B3GALT1: variants seen among roughly 807,000 people sequenced by gnomAD.
B3GALT1 encodes beta-1,3-galactosyltransferase 1.
A neutral mutation model predicts 23.2 loss-of-function variants in B3GALT1; 10 were observed. That is an observed-to-expected ratio of 0.43 (90% CI 0.27 to 0.73). B3GALT1 has a LOEUF of 0.73. B3GALT1 is among the 30% of genes least tolerant of loss of function. The probability of loss-of-function intolerance (pLI) is 0.21; values close to 1 mark genes in which losing one functional copy is unlikely to be tolerated. For synonymous variants in B3GALT1, 156 were observed against 141.5 expected (o/e 1.10, Z -0.73); for missense variants, 299 against 405.4 (o/e 0.74, Z 2.25).
At chr2:167,684,031 TCTA>T (rs1449107575) in intron 3 of B3GALT1, among the ~76,000 whole-genome samples, 3 of 152,200 alleles carry the variant, frequency 2.0e-5, no homozygotes, top group Non-Finnish European at 4.4e-5. Flanking sequence ...CTTTCTGTCT[TCTA>T]CTACCTAGGT....
Position 167,704,425 on chromosome 2 carries a change from A to C in B3GALT1, c.-352+57459A>C, listed in dbSNP as rs149283333. ...ACACCACTAACACTCCCTAGAGATCATCTAACCTTCCTAATCCTTCTAAGC... is the reference window on the plus strand; with the variant it reads ...ACACCACTAACACTCCCTAGAGATCCTCTAACCTTCCTAATCCTTCTAAGC... On this transcript the variant is annotated intron_variant, in intron 3 of 4. Transcript: ENST00000392690. Among the ~76,000 whole-genome samples, 22 of 152,294 alleles carry C rather than the reference A, an allele frequency of 1.4e-4. No individual in the cohort carries two copies. The East Asian group carries it at 3.9e-3, about 27-fold the overall frequency.
At chr2:167,715,821 G>A (rs1278985401) in intron 3 of B3GALT1, 4 of 1,613,824 alleles carry the variant, frequency 2.5e-6, no homozygotes, top group Non-Finnish European at 3.4e-6. Context: ...AGTCCAGAAA[G>A]CATTTCACCA....
At chr2:167,295,083 A>G (rs1696328137) in intron 1 of B3GALT1, among the ~76,000 whole-genome samples, 1 of 152,220 alleles carries the variant, frequency 6.6e-6, no homozygotes, top group African/African-American at 2.4e-5. Context: ...AGTTATTTTA[A>G]AGCAGATGAA....
chr2:167,387,058 A>G (rs1697940474), intron 1 of B3GALT1, among the ~76,000 whole-genome samples: 1 of 151,888 alleles, frequency 6.6e-6, no homozygotes, highest in Non-Finnish European at 1.5e-5. Flanking sequence ...ACTGCCTTGG[A>G]AACCAGTGTT....
intron 1 of B3GALT1, among the ~76,000 whole-genome samples, chr2:167,305,666 C>T (rs1259652937): frequency 6.6e-6 from 1 of 152,030 alleles, no homozygotes; most frequent in East Asian, 1.9e-4. Context: ...TGTCTAGAGG[C>T]CCCTACCCAG....
At chr2:167,471,403 T>C (rs1246834951) in intron 1 of B3GALT1, among the ~76,000 whole-genome samples, 1 of 152,190 alleles carries the variant, frequency 6.6e-6, no homozygotes, top group Non-Finnish European at 1.5e-5. Flanking sequence ...AAACCCCATC[T>C]TCTAAATTAC....
chr2:167,543,615 A>G (rs1683571161), intron 2 of B3GALT1, among the ~76,000 whole-genome samples: 1 of 152,248 alleles, frequency 6.6e-6, no homozygotes. Context: ...CTGGAAGGTT[A>G]TTTACATTAT....
intron 3 of B3GALT1, among the ~76,000 whole-genome samples, chr2:167,764,935 A>G (rs1319326583): frequency 6.6e-6 from 1 of 152,118 alleles, no homozygotes; most frequent in Admixed American, 6.6e-5. Flanking sequence ...ATAGGGTAGA[A>G]TGAGCTCTTT....
chr2:167,623,378 G>T lies in B3GALT1; in HGVS notation c.-409-23531G>T, dbSNP rs190769615. Among the ~76,000 whole-genome samples, 90 of 152,254 alleles carry T rather than the reference G, an allele frequency of 5.9e-4. 1 individual carries two copies. In the East Asian group the frequency reaches 0.015, roughly 25 times the overall value. Reference sequence around the variant, plus strand: ...CCAAATGCCCATTAGTGATAGACTGGATAAAGAAAATGTGGCACATATATA... The same window carrying T: ...CCAAATGCCCATTAGTGATAGACTGTATAAAGAAAATGTGGCACATATATA... On this transcript the variant is annotated intron_variant, in intron 2 of 4. Coordinates refer to ENST00000392690, the MANE Select transcript of B3GALT1 (RefSeq NM_020981.4).
intron 2 of B3GALT1, among the ~76,000 whole-genome samples, chr2:167,620,962 C>T (rs1431900): frequency 0.74 from 111,830 of 151,854 alleles, 41,528 homozygotes; most frequent in Admixed American, 0.82. Flanking sequence ...ATATTCCCCT[C>T]CCACCACCAT....
intron 2 of B3GALT1, among the ~76,000 whole-genome samples, chr2:167,538,548 C>T (rs1396357752): frequency 6.6e-6 from 1 of 152,052 alleles, no homozygotes; most frequent in Non-Finnish European, 1.5e-5. Flanking sequence ...ATATACCTGA[C>T]CTCTGTAGAC....
intron 1 of B3GALT1, among the ~76,000 whole-genome samples, chr2:167,352,268 GTTTTTTT>G (rs1207331983): frequency 3.1e-4 from 10 of 32,318 alleles, no homozygotes; most frequent in Non-Finnish European, 5.9e-4. Flanking sequence ...TGCCTGGCCT[GTTTTTTT>G]TTTTGTTTTT....
chr2:167,679,122 G>GTTT (rs34522800), intron 3 of B3GALT1, among the ~76,000 whole-genome samples: 34 of 145,060 alleles, frequency 2.3e-4, no homozygotes, highest in African/African-American at 7.6e-4. Flanking sequence ...TTTTGTTTTT[G>GTTT]TTTTTTTTTT....
intron 2 of B3GALT1, among the ~76,000 whole-genome samples, chr2:167,569,080 A>G (rs1040030077): frequency 3.3e-5 from 5 of 151,688 alleles, no homozygotes; most frequent in Admixed American, 2.0e-4. Flanking sequence ...CCACTGATCT[A>G]TTTGTCTTTG....
At chr2:167,426,031 A>G (rs1698617570) in intron 1 of B3GALT1, among the ~76,000 whole-genome samples, 1 of 152,146 alleles carries the variant, frequency 6.6e-6, no homozygotes, top group Non-Finnish European at 1.5e-5. Context: ...CAATCCAAGG[A>G]TTATTTGTTA....
intron 3 of B3GALT1, among the ~76,000 whole-genome samples, chr2:167,764,578 A>G (rs1017262627): frequency 5.3e-5 from 8 of 152,214 alleles, no homozygotes; most frequent in Admixed American, 2.0e-4. Flanking sequence ...ACTTTTATAC[A>G]TATGTAAAAT....
In B3GALT1 at chr2:167,851,208, TA is replaced by T. The variant is rs528342108; in HGVS notation, c.-229-17596del. ...AGTCGTCAAATACACTGTTAGAGGT[TA>T]AAAAAATCAAGAATAATAAGCTACT... On this transcript the variant is annotated intron_variant, in intron 4 of 4. Coordinates refer to ENST00000392690, the MANE Select transcript of B3GALT1 (RefSeq NM_020981.4). 1.8e-3 allele frequency among the ~76,000 whole-genome samples: 252 copies of T among 138,598 alleles called. 2 individuals are homozygous for T. The highest frequency in any genetic ancestry group is 6.6e-3 in the African/African-American group (233 of 35,354). The allele number at this position is 138,598 out of a possible 152,430, so 90.9% of individuals were successfully genotyped here.
At chr2:167,669,773 C>G (rs1324235147) in intron 3 of B3GALT1, among the ~76,000 whole-genome samples, 1 of 152,008 alleles carries the variant, frequency 6.6e-6, no homozygotes, top group Non-Finnish European at 1.5e-5. Flanking sequence ...CCCCCTTGGC[C>G]TACAGTTTAT....
chr2:167,655,144 C>T (rs1685936656), intron 3 of B3GALT1, among the ~76,000 whole-genome samples: 1 of 152,102 alleles, frequency 6.6e-6, no homozygotes, highest in South Asian at 2.1e-4. Flanking sequence ...TACACAAATT[C>T]CATTTGAATG....
Sources: gnomAD v4.1 joint callset for allele counts (sites outside exome capture counted in the v4.1 genomes callset) on GRCh38, gnomAD v4.1.1 for gene constraint, MANE v1.5 for transcripts, NCBI Gene and HGNC (gene_info 2026-07-23, HGNC 2026-07-21) for gene names.